The following SMOC2 variants were observed in gnomAD, a reference collection of about 807,000 sequenced individuals.
SMOC2 encodes the protein SPARC related modular calcium binding 2.
SMOC2 carries 39 observed loss-of-function variants against 61.4 expected under a neutral mutation model. That is an observed-to-expected ratio of 0.64 (90% CI 0.49 to 0.83). The LOEUF is 0.83. SMOC2 is among the 40% of genes least tolerant of loss of function. The probability of loss-of-function intolerance (pLI) is 0.00; values close to 1 mark genes in which losing one functional copy is unlikely to be tolerated. For missense variants in SMOC2, 556 were observed against 592.9 expected (o/e 0.94, Z 0.65); for synonymous variants, 247 against 239.9 (o/e 1.03, Z -0.27).
At chr6:168,526,581 A>C (rs1477351334) in intron 3 of SMOC2, 129 bp downstream of exon 3, 4 of 686,682 alleles carry the variant, frequency 5.8e-6, no homozygotes, top group South Asian at 5.2e-5. Flanking sequence ...TGGGGAAATC[A>C]GCCTTCTGCA....
intron 7 of SMOC2, among the ~76,000 whole-genome samples, chr6:168,571,444 G>A (rs1327347764): frequency 1.3e-5 from 2 of 152,054 alleles, no homozygotes; most frequent in African/African-American, 4.8e-5. Flanking sequence ...CGAGCCAGAC[G>A]TGCCGATGGG....
At chr6:168,646,342 A>G (rs1305076282) in intron 9 of SMOC2, among the ~76,000 whole-genome samples, 3 of 152,142 alleles carry the variant, frequency 2.0e-5, no homozygotes, top group Admixed American at 1.3e-4. Context: ...TGAGTGAGGA[A>G]ACCACTCAGC....
chr6:168,619,156 T>C (rs1025267982), intron 9 of SMOC2, among the ~76,000 whole-genome samples: 1 of 152,164 alleles, frequency 6.6e-6, no homozygotes. Context: ...TTTTTGTTTA[T>C]GGTTTCCTTT....
intron 3 of SMOC2, 26 bp downstream of exon 3, chr6:168,526,478 T>C (rs1783456035): frequency 1.9e-6 from 3 of 1,590,926 alleles, no homozygotes; most frequent in Non-Finnish European, 2.6e-6. Context: ...TGGGAGGTTC[T>C]GCACCTGTGC....
chr6:168,666,509 CA>C lies in SMOC2; in HGVS notation c.*76del, dbSNP rs1223130809. 3.3e-6 allele frequency: 5 copies of C among 1,527,454 alleles called. No homozygotes were observed. The African/African-American group carries it at 4.1e-5, about 13-fold the overall frequency. 94.6% of individuals were successfully genotyped at this position (1,527,454 alleles called of 1,614,324 possible). On this transcript the variant is annotated 3_prime_UTR_variant, in exon 13 of 13. Coordinates refer to ENST00000356284, the MANE Select transcript of SMOC2 (RefSeq NM_001166412.2). ...CCTCACCAAAGAGCAATTAAGAAAA[CA>C]AAAACAGAAACACATAGTATTTGCA...
intron 2 of SMOC2, among the ~76,000 whole-genome samples, chr6:168,516,803 A>C (rs1274337817): frequency 6.6e-6 from 1 of 152,124 alleles, no homozygotes; most frequent in Non-Finnish European, 1.5e-5. Flanking sequence ...AACAACAAAA[A>C]AATAGCCGGT....
intron 9 of SMOC2, among the ~76,000 whole-genome samples, chr6:168,641,126 A>G (rs1033768208): frequency 1.3e-5 from 2 of 152,204 alleles, no homozygotes; most frequent in African/African-American, 2.4e-5. Context: ...GTGAGAATAC[A>G]GTCTTGCAAA....
chr6:168,664,025 A>T, intron 11 of SMOC2, 49 bp from the exon 12 acceptor site: 1 of 1,506,052 alleles, frequency 6.6e-7, no homozygotes, highest in East Asian at 2.3e-5. Flanking sequence ...ACCTTTCATT[A>T]AATAATGAGT....
intron 1 of SMOC2, among the ~76,000 whole-genome samples, chr6:168,467,799 T>C (rs942484211): frequency 1.3e-5 from 2 of 152,240 alleles, no homozygotes; most frequent in African/African-American, 4.8e-5. Context: ...AGATGTCCTA[T>C]TGAGTTTATT....
intron 1 of SMOC2, among the ~76,000 whole-genome samples, chr6:168,484,524 A>G (rs1341136483): frequency 6.6e-6 from 1 of 152,194 alleles, no homozygotes; most frequent in African/African-American, 2.4e-5. Flanking sequence ...GCTGTGGAAA[A>G]CAGTATGGTT....
At chr6:168,454,508 C>G (rs1342886004) in intron 1 of SMOC2, among the ~76,000 whole-genome samples, 1 of 152,144 alleles carries the variant, frequency 6.6e-6, no homozygotes, top group East Asian at 1.9e-4. Context: ...ACTCATCTCC[C>G]CATCCTGGGT....
chr6:168,568,236 T>A (rs1784587420), intron 7 of SMOC2, among the ~76,000 whole-genome samples: 1 of 152,238 alleles, frequency 6.6e-6, no homozygotes, highest in Admixed American at 6.5e-5. Context: ...GTGTCTCATA[T>A]TAGCATTTAG....
At chr6:168,498,839 C>A (rs2749243) in intron 1 of SMOC2, among the ~76,000 whole-genome samples, 31 of 85,476 alleles carry the variant, frequency 3.6e-4, no homozygotes, top group East Asian at 8.0e-4. Context: ...CTGTCTACTA[C>A]ACATGGAAAC....
chr6:168,597,575 A>G (rs1456030051), intron 7 of SMOC2, among the ~76,000 whole-genome samples: 1 of 152,228 alleles, frequency 6.6e-6, no homozygotes, highest in Non-Finnish European at 1.5e-5. Context: ...TCAGCTTCCT[A>G]CTGTGTTCCA....
At chr6:168,468,773 A>G (rs1781900925) in intron 1 of SMOC2, among the ~76,000 whole-genome samples, 1 of 152,200 alleles carries the variant, frequency 6.6e-6, no homozygotes, top group Non-Finnish European at 1.5e-5. Flanking sequence ...ACCCCAGATG[A>G]TCTGCCCACC....
At chr6:168,652,354 C>G (rs112098617) in intron 10 of SMOC2, among the ~76,000 whole-genome samples, 3,202 of 152,268 alleles carry the variant, frequency 0.021, 129 homozygotes, top group African/African-American at 0.072. Flanking sequence ...GGGGCCAGCA[C>G]CTCCAGGAGG....
At position 168,568,145 on chromosome 6, in the gene SMOC2, G is replaced by A. The variant is rs374337924; in HGVS notation, c.637+18942G>A. The stretch of plus-strand genomic sequence containing the variant: ...GCTACAGGCGAAGACCGGATGGTGT[G>A]AGTCGGTGTCTCATATTAGAATTTA... On this transcript the variant is annotated intron_variant, in intron 7 of 12. Coordinates refer to ENST00000356284, the MANE Select transcript of SMOC2 (RefSeq NM_001166412.2). Among the ~76,000 whole-genome samples the A allele has an allele frequency of 1.8e-4, 27 of 151,726 alleles. 2 individuals are homozygous for A. The East Asian group carries it at 3.9e-3, about 22-fold the overall frequency.
intron 1 of SMOC2, among the ~76,000 whole-genome samples, chr6:168,486,622 G>A (rs1782346551): frequency 6.6e-6 from 1 of 151,106 alleles, no homozygotes; most frequent in African/African-American, 2.4e-5. Context: ...CCCCAAGCCA[G>A]CACTGGCTGT....
intron 11 of SMOC2, among the ~76,000 whole-genome samples, chr6:168,656,379 C>T (rs1787322115): frequency 6.6e-6 from 1 of 151,878 alleles, no homozygotes; most frequent in Non-Finnish European, 1.5e-5. Flanking sequence ...GGCATGATGG[C>T]TCATGCCTGT....
Sources: gnomAD v4.1 joint callset for allele counts (sites outside exome capture counted in the v4.1 genomes callset) on GRCh38, gnomAD v4.1.1 for gene constraint, MANE v1.5 for transcripts, NCBI Gene and HGNC (gene_info 2026-07-23, HGNC 2026-07-21) for gene names.